Variants in SSBP2 observed in about 807,000 individuals in gnomAD.
The protein encoded by SSBP2 is single stranded DNA binding protein 2, also known as single-stranded DNA-binding protein 2.
SSBP2 carries 17 observed loss-of-function variants against 61.8 expected under a neutral mutation model. The observed-to-expected ratio is 0.28, with a 90% confidence interval of 0.19 to 0.41. The LOEUF (loss-of-function observed/expected upper bound fraction) is 0.41, where lower values mean the gene tolerates loss of function less well. Among genes scored for constraint, SSBP2 ranks in the 10% least tolerant of loss-of-function variants. SSBP2 has a pLI of 1.00. For synonymous variants in SSBP2, 139 were observed against 141.3 expected (o/e 0.98, Z 0.12); for missense variants, 310 against 458.7 (o/e 0.68, Z 2.96).
intron 4 of SSBP2, among the ~76,000 whole-genome samples, chr5:81,556,961 A>C (rs2153395680): frequency 6.6e-6 from 1 of 152,284 alleles, no homozygotes; most frequent in African/African-American, 2.4e-5. Context: ...AGCTGTACAT[A>C]ACTTTTGTGA....
At chr5:81,422,264 G>A (rs1222236653) in intron 16 of SSBP2, among the ~76,000 whole-genome samples, 2 of 152,096 alleles carry the variant, frequency 1.3e-5, no homozygotes, top group Non-Finnish European at 2.9e-5. Context: ...GACAAGCTGA[G>A]ACCGGCTGCA....
At chr5:81,530,098 T>C (rs959880565) in intron 4 of SSBP2, among the ~76,000 whole-genome samples, 5 of 151,960 alleles carry the variant, frequency 3.3e-5, no homozygotes, top group African/African-American at 4.8e-5. Context: ...CAATGTAACA[T>C]TATGGTTTTC....
chr5:81,477,106 T>C (rs1561446710), intron 6 of SSBP2, among the ~76,000 whole-genome samples: 1 of 152,130 alleles, frequency 6.6e-6, no homozygotes, highest in Non-Finnish European at 1.5e-5. Context: ...CTCATACTTC[T>C]TCTGACCTAG....
chr5:81,685,420 G>A (rs535177588), intron 1 of SSBP2, among the ~76,000 whole-genome samples: 3 of 152,064 alleles, frequency 2.0e-5, no homozygotes, highest in Admixed American at 2.0e-4. Flanking sequence ...TACCACTGTG[G>A]CACATGTAAG....
intron 4 of SSBP2, among the ~76,000 whole-genome samples, chr5:81,597,766 C>G (rs1402184676): frequency 6.7e-6 from 1 of 149,216 alleles, no homozygotes; most frequent in Non-Finnish European, 1.5e-5. Context: ...GGACAAAAAA[C>G]CAAACACCGC....
chr5:81,461,651 G>T (rs1409430562), intron 9 of SSBP2, among the ~76,000 whole-genome samples: 2 of 151,674 alleles, frequency 1.3e-5, no homozygotes, highest in African/African-American at 4.8e-5. Context: ...ATCTTTCAAT[G>T]CTACTGATGA....
At chr5:81,522,328 G>A (rs1769553719) in intron 4 of SSBP2, among the ~76,000 whole-genome samples, 1 of 151,880 alleles carries the variant, frequency 6.6e-6, no homozygotes, top group Admixed American at 6.6e-5. Context: ...AATGATAAAA[G>A]GTAACGTATA....
chr5:81,530,350 GTAT>G (rs1770295860), intron 4 of SSBP2, among the ~76,000 whole-genome samples: 1 of 152,008 alleles, frequency 6.6e-6, no homozygotes, highest in Non-Finnish European at 1.5e-5. Context: ...ACAATTAGAG[GTAT>G]TTTAGAGACC....
At chr5:81,624,281 T>G (rs931025801) in intron 3 of SSBP2, among the ~76,000 whole-genome samples, 1 of 152,204 alleles carries the variant, frequency 6.6e-6, no homozygotes, top group Non-Finnish European at 1.5e-5. Flanking sequence ...AGCATATGTA[T>G]GTTCCTCCTT....
chr5:81,522,820 T>C (rs12514473), intron 4 of SSBP2, among the ~76,000 whole-genome samples: 31,503 of 152,018 alleles, frequency 0.21, 3,349 homozygotes, highest in Non-Finnish European at 0.23. Flanking sequence ...TTCACTGTGC[T>C]ACTTTTTTTG....
At chr5:81,491,922 A>G (rs1322615455) in intron 5 of SSBP2, among the ~76,000 whole-genome samples, 1 of 152,192 alleles carries the variant, frequency 6.6e-6, no homozygotes, top group Non-Finnish European at 1.5e-5. Flanking sequence ...TGTTATCTAG[A>G]TAACCACCTA....
chr5:81,580,530 C>T (rs562188622), intron 4 of SSBP2, among the ~76,000 whole-genome samples: 6 of 152,032 alleles, frequency 3.9e-5, no homozygotes, highest in African/African-American at 1.2e-4. Flanking sequence ...CACCCAACCC[C>T]GATGTTTATA....
At chr5:81,551,822 C>T (rs1772212522) in intron 4 of SSBP2, among the ~76,000 whole-genome samples, 1 of 152,086 alleles carries the variant, frequency 6.6e-6, no homozygotes, top group African/African-American at 2.4e-5. Flanking sequence ...ATGTCATTGT[C>T]CTGGTACTTA....
At chr5:81,530,210 C>T (rs925294737) in intron 4 of SSBP2, among the ~76,000 whole-genome samples, 3 of 151,956 alleles carry the variant, frequency 2.0e-5, no homozygotes, top group African/African-American at 7.2e-5. Context: ...ATAGCACCTG[C>T]CTTATAGAGT....
chr5:81,527,688 A>C (rs1389392829), intron 4 of SSBP2, among the ~76,000 whole-genome samples: 1 of 151,852 alleles, frequency 6.6e-6, no homozygotes, highest in Non-Finnish European at 1.5e-5. Context: ...TGTTCTAATG[A>C]GAACACATGG....
At chr5:81,538,015 T>C (rs531162951) in intron 4 of SSBP2, among the ~76,000 whole-genome samples, 37 of 152,218 alleles carry the variant, frequency 2.4e-4, no homozygotes, top group African/African-American at 8.2e-4. Flanking sequence ...AAGGAAAAAG[T>C]TGCACATCTC....
chr5:81,427,695 A>G (rs1451518847), intron 16 of SSBP2, among the ~76,000 whole-genome samples: 2 of 152,180 alleles, frequency 1.3e-5, no homozygotes, highest in African/African-American at 4.8e-5. Flanking sequence ...GGATGCTATG[A>G]ATCCTGTGAA....
intron 12 of SSBP2, chr5:81,443,310 GATTT>G (rs1763155933): frequency 6.6e-6 from 1 of 151,868 alleles, no homozygotes; most frequent in Non-Finnish European, 1.5e-5. Flanking sequence ...CTTTATTTTT[GATTT>G]ATTATAATAA....
At chr5:81,688,538 C>T (rs1239521730) in intron 1 of SSBP2, among the ~76,000 whole-genome samples, 1 of 152,200 alleles carries the variant, frequency 6.6e-6, no homozygotes. Context: ...TGTCACCCCT[C>T]ACGCAGCTCC....
Sources: allele counts gnomAD v4.1 joint callset (sites outside exome capture counted in the v4.1 genomes callset), GRCh38; gene constraint gnomAD v4.1.1; transcripts MANE v1.5; gene names NCBI Gene and HGNC (gene_info 2026-07-23, HGNC 2026-07-21).